LDAF1: variants seen among roughly 807,000 people sequenced by gnomAD.
LDAF1 encodes the protein lipid droplet assembly factor 1.
LDAF1 carries 7 observed loss-of-function variants against 13.5 expected under a neutral mutation model. The observed-to-expected ratio is 0.52, with a 90% CI of 0.29 to 0.97. LDAF1 has a LOEUF of 0.97. Among genes scored for constraint, LDAF1 ranks in the 50% least tolerant of loss-of-function variants. The pLI is 0.07. For missense variants in LDAF1, 148 were observed against 193.2 expected, an observed-to-expected ratio of 0.77 and a Z score of 1.39; for synonymous variants, 69 against 77.1, an observed-to-expected ratio of 0.89 and a Z score of 0.55.
intron 2 of LDAF1, among the ~76,000 whole-genome samples, chr16:21,168,675 T>G (rs927592145): frequency 7.3e-6 from 1 of 137,786 alleles, no homozygotes; most frequent in Admixed American, 7.5e-5. Context: ...ATTATGATTT[T>G]TATATTACAT....
At chr16:21,172,777 A>T in intron 3 of LDAF1, 12 of 973,294 alleles carry the variant, frequency 1.2e-5, no homozygotes, top group Non-Finnish European at 1.5e-5. Context: ...TTGGCACCAC[A>T]CTTTGAAAAA....
At chr16:21,171,447 G>A (rs995041140) in intron 3 of LDAF1, among the ~76,000 whole-genome samples, 16 of 152,180 alleles carry the variant, frequency 1.1e-4, no homozygotes, top group African/African-American at 4.8e-5. Flanking sequence ...ATGGTCAGTG[G>A]ATGAGCCAAA....
intron 3 of LDAF1, 102 bp downstream of exon 3, chr16:21,170,707 T>G: frequency 1.4e-6 from 2 of 1,395,048 alleles, no homozygotes; most frequent in Non-Finnish European, 2.0e-6. Context: ...GGTCTTGTTA[T>G]GTTGCCCAGG....
At chr16:21,178,574 C>T (rs890767308) in intron 4 of LDAF1, among the ~76,000 whole-genome samples, 1 of 152,164 alleles carries the variant, frequency 6.6e-6, no homozygotes, top group Non-Finnish European at 1.5e-5. Context: ...GTGTTGCTAT[C>T]CTTAGCCCAT....
chr16:21,163,729 A>C (rs761448611), intron 2 of LDAF1, among the ~76,000 whole-genome samples: 35 of 152,228 alleles, frequency 2.3e-4, no homozygotes, highest in Non-Finnish European at 4.0e-4. Flanking sequence ...AAATTTACAA[A>C]TATGGAATCA....
intron 2 of LDAF1, among the ~76,000 whole-genome samples, chr16:21,168,621 CTAATATTAGTA>C (rs1266845343): frequency 7.3e-6 from 1 of 137,044 alleles, no homozygotes; most frequent in Non-Finnish European, 1.5e-5. Context: ...ATATTGATAA[CTAATATTAGTA>C]TAATATATCT....
chr16:21,173,989 C>G (rs374087519), intron 3 of LDAF1, 21 bp from the exon 4 acceptor site: 17 of 1,606,046 alleles, frequency 1.1e-5, no homozygotes, highest in Middle Eastern at 1.7e-4. Context: ...AACCCTTCTC[C>G]TAACCACGTT....
intron 4 of LDAF1, chr16:21,178,346 G>A (rs2093157353): frequency 1.0e-6 from 1 of 985,288 alleles, no homozygotes; most frequent in Non-Finnish European, 1.2e-6. Context: ...AGCATAACTA[G>A]CTTCCTTACA....
In LDAF1 at chr16:21,159,443, C is replaced by T. The variant is rs139863832; in HGVS notation, c.-99+697C>T. Reference sequence around the variant, plus strand: ...CTCGAGGCGCCCTGTAGCTCCCATCCCCCAACCAGAGATGTGACCCCTCCT... The same window carrying T: ...CTCGAGGCGCCCTGTAGCTCCCATCTCCCAACCAGAGATGTGACCCCTCCT... On this transcript the variant is annotated intron_variant, in intron 1 of 4. Transcript: ENST00000233047. 240 of 1,613,490 alleles carry T rather than the reference C, an allele frequency of 1.5e-4. No individual in the cohort carries two copies. The African/African-American group carries it at 3.1e-3, about 21-fold the overall frequency.
At chr16:21,170,835 G>A (rs2093081308) in intron 3 of LDAF1, among the ~76,000 whole-genome samples, 1 of 152,218 alleles carries the variant, frequency 6.6e-6, no homozygotes, top group Middle Eastern at 3.4e-3. Flanking sequence ...ATCACATCAA[G>A]CAAGGCAACT....
intron 4 of LDAF1, 147 bp from the exon 5 acceptor site, chr16:21,179,328 A>G (rs759553865): frequency 5.9e-6 from 9 of 1,522,840 alleles, no homozygotes; most frequent in Non-Finnish European, 7.9e-6. Flanking sequence ...CAGTTTCTTC[A>G]TCTGTATAAT....
chr16:21,165,953 G>A (rs770161468), intron 2 of LDAF1, among the ~76,000 whole-genome samples: 11 of 152,064 alleles, frequency 7.2e-5, no homozygotes, highest in East Asian at 1.9e-4. Context: ...TCTGACTCCC[G>A]GGTTCAAGTG....
chr16:21,166,760 G>C, intron 2 of LDAF1: 1 of 1,205,910 alleles, frequency 8.3e-7, no homozygotes, highest in Non-Finnish European at 1.2e-6. Flanking sequence ...AAAGAAGTCA[G>C]GACCTGAGAC....
At position 21,174,065 on chromosome 16, in the gene LDAF1, C is replaced by T. The variant is rs2093116321; in HGVS notation, c.321C>T (p.Gly107=). ...TGCTCTGCATCCTCTGTGGTTTGGGCTTCGTATCACTCGCCATGTCGGGGA... is the reference window on the plus strand; with the variant it reads ...TGCTCTGCATCCTCTGTGGTTTGGGTTTCGTATCACTCGCCATGTCGGGGA... The part of the protein sequence containing the change: ...FSLLCILCGL[G]FVSLAMSGMM... The change falls in exon 4 of 5, where the codon GGC becomes GGT. Residue 107 remains glycine (G), a synonymous_variant. Transcript: ENST00000233047. 1.2e-6 allele frequency: 2 copies of T among 1,614,000 alleles called. No individual in the cohort carries two copies. Among genetic ancestry groups the T allele is most frequent in the Non-Finnish European group, 1.7e-6 (2 of 1,179,988 alleles).
intron 3 of LDAF1, chr16:21,172,838 A>G (rs975203130): frequency 1.0e-6 from 1 of 985,264 alleles, no homozygotes; most frequent in Non-Finnish European, 1.2e-6. Context: ...ACACCTGTTG[A>G]TGTTCTCTTC....
intron 2 of LDAF1, chr16:21,169,004 ATATTAT>A (rs2093059835): frequency 7.0e-6 from 1 of 143,570 alleles, no homozygotes; most frequent in Non-Finnish European, 1.5e-5. Context: ...TATAATTATT[ATATTAT>A]AATTATAATT....
chr16:21,159,795 TG>T, intron 1 of LDAF1: 1 of 456,650 alleles, frequency 2.2e-6, no homozygotes, highest in Non-Finnish European at 2.9e-6. Context: ...CAAACCGGTC[TG>T]GGTGGCACTT....
chr16:21,170,341 G>A (rs1457032231), intron 2 of LDAF1, 96 bp from the exon 3 acceptor site: 17 of 1,571,382 alleles, frequency 1.1e-5, no homozygotes, highest in East Asian at 2.2e-5. Flanking sequence ...CTGGCTTTAC[G>A]ACTTCTGCCT....
chr16:21,170,902 A>G (rs1204332767), intron 3 of LDAF1, among the ~76,000 whole-genome samples: 2 of 152,140 alleles, frequency 1.3e-5, no homozygotes, highest in Non-Finnish European at 2.9e-5. Flanking sequence ...CACCTCCACC[A>G]CTGTGATTTG....
Sources: gnomAD v4.1 joint callset for allele counts (sites outside exome capture counted in the v4.1 genomes callset) on GRCh38, gnomAD v4.1.1 for gene constraint, MANE v1.5 for transcripts, NCBI Gene and HGNC (gene_info 2026-07-23, HGNC 2026-07-21) for gene names.